The following GABBR2 variants were observed in gnomAD, a reference collection of about 807,000 sequenced individuals.
The protein encoded by GABBR2 is gamma-aminobutyric acid type B receptor subunit 2.
Under a neutral mutation model 105.6 loss-of-function variants are expected in GABBR2, and 23 were observed. The observed-to-expected ratio is 0.22, with a 90% CI of 0.16 to 0.31. GABBR2 has a LOEUF of 0.31. Among genes scored for constraint, GABBR2 ranks in the 10% least tolerant of loss-of-function variants. GABBR2 has a pLI of 1.00. For synonymous variants in GABBR2, 478 were observed against 499.7 expected (o/e 0.96, Z 0.58); for missense variants, 734 against 1,245.5 (o/e 0.59, Z 6.18).
intron 1 of GABBR2, among the ~76,000 whole-genome samples, chr9:98,702,922 C>T (rs1415187348): frequency 1.3e-5 from 2 of 152,218 alleles, no homozygotes; most frequent in Non-Finnish European, 2.9e-5. Flanking sequence ...TTGGAGGAAT[C>T]ACCTCTCCCC....
intron 1 of GABBR2, among the ~76,000 whole-genome samples, chr9:98,648,193 G>A (rs191117106): frequency 3.3e-5 from 5 of 150,648 alleles, no homozygotes; most frequent in Admixed American, 6.6e-5. Context: ...GTACAGTGGC[G>A]CGATCTCGGC....
rs76139720 is a variant in GABBR2 at position 98,480,878 on chromosome 9, A to G, written c.798+54T>C. 6.7e-4 allele frequency: 687 copies of G among 1,024,566 alleles called. 6 individuals are homozygous for G. The East Asian group carries it at 0.014, about 21-fold the overall frequency. 63.5% of individuals were successfully genotyped at this position (1,024,566 alleles called of 1,614,324 possible). A position where few individuals can be genotyped will look rare whatever the true frequency, so the allele number is the denominator to read the frequency against. The stretch of plus-strand genomic sequence containing the variant: ...TGAGCAGGGAGATAATGAGTATGGG[A>G]AAAAGCTTCGTGAACCTCCCCAAAG... On this transcript the variant is annotated intron_variant, in intron 5 of 18. Transcript: ENST00000259455.
chr9:98,605,185 G>A (rs903270294), intron 1 of GABBR2, among the ~76,000 whole-genome samples: 3 of 152,232 alleles, frequency 2.0e-5, no homozygotes, highest in Non-Finnish European at 4.4e-5. Flanking sequence ...GGGATGTACA[G>A]TGCAACAGCG....
intron 1 of GABBR2, among the ~76,000 whole-genome samples, chr9:98,664,263 G>T (rs558556352): frequency 2.6e-5 from 4 of 152,320 alleles, no homozygotes; most frequent in African/African-American, 7.2e-5. Flanking sequence ...ACGGCACAAA[G>T]ACCTAAGAAT....
intron 9 of GABBR2, among the ~76,000 whole-genome samples, chr9:98,393,021 T>G (rs111451954): frequency 5.4e-4 from 38 of 70,596 alleles, no homozygotes; most frequent in African/African-American, 2.6e-3. Flanking sequence ...CACCCATCCA[T>G]GCATCCACCC....
rs187556562 is a variant in GABBR2 at position 98,464,239 on chromosome 9, C to T, written c.999+8907G>A. Among the ~76,000 whole-genome samples, 618 of 151,548 alleles carry T rather than the reference C, an allele frequency of 4.1e-3. 3 individuals carry two copies. The highest frequency in any genetic ancestry group is 7.1e-3 in the Non-Finnish European group (484 of 67,842). ...ATCTGGGATGTGAGGAGCGCCTCTG[C>T]CTGGCCGCCCCGTCTGGGAAGTGAG... is the stretch of plus-strand genomic sequence containing the variant. On this transcript the variant is annotated intron_variant, in intron 6 of 18. Transcript: ENST00000259455.
chr9:98,597,141 T>C (rs1418296327), intron 1 of GABBR2, among the ~76,000 whole-genome samples: 1 of 152,208 alleles, frequency 6.6e-6, no homozygotes, highest in Non-Finnish European at 1.5e-5. Context: ...GCAGCTTATC[T>C]GAGATCTGCA....
At chr9:98,665,621 C>T (rs186068302) in intron 1 of GABBR2, among the ~76,000 whole-genome samples, 1 of 152,320 alleles carries the variant, frequency 6.6e-6, no homozygotes, top group Non-Finnish European at 1.5e-5. Context: ...AGGACAATCA[C>T]AACACAGACC....
At chr9:98,624,652 C>T (rs1183686511) in intron 1 of GABBR2, among the ~76,000 whole-genome samples, 1 of 151,816 alleles carries the variant, frequency 6.6e-6, no homozygotes, top group East Asian at 1.9e-4. Context: ...AGCTGCAGGC[C>T]GAGCAGACAC....
chr9:98,671,173 C>G (rs1452563754), intron 1 of GABBR2, among the ~76,000 whole-genome samples: 1 of 152,078 alleles, frequency 6.6e-6, no homozygotes, highest in Non-Finnish European at 1.5e-5. Context: ...CCGCTCTCTG[C>G]CAATCTCTAA....
intron 7 of GABBR2, among the ~76,000 whole-genome samples, chr9:98,450,574 A>G (rs1031732954): frequency 1.1e-4 from 16 of 152,200 alleles, no homozygotes; most frequent in African/African-American, 3.9e-4. Context: ...CTGTCCAGCT[A>G]CCATTCCAGC....
At position 98,684,169 on chromosome 9, in the gene GABBR2, T is replaced by TAAAAAAAAAAAAAAAAA. The variant is rs3032196; in HGVS notation, c.321+24231_321+24247dup. Among the ~76,000 whole-genome samples, 3 of 66,116 alleles carry TAAAAAAAAAAAAAAAAA rather than the reference T, an allele frequency of 4.5e-5. 1 individual carries two copies. Among genetic ancestry groups the TAAAAAAAAAAAAAAAAA allele is most frequent in the African/African-American group, 1.9e-4 (3 of 15,842 alleles). 43.4% of individuals were successfully genotyped at this position (66,116 alleles called of 152,430 possible). ...AAAAGAAGAATGCATTTTACCACGG[T>TAAAAAAAAAAAAAAAAA]AAAAAAAAAAAAAAAAAAAAAAAAA... On this transcript the variant is annotated intron_variant, in intron 1 of 18. Transcript: ENST00000259455.
At chr9:98,455,119 A>G (rs537680108) in intron 6 of GABBR2, among the ~76,000 whole-genome samples, 96 of 152,268 alleles carry the variant, frequency 6.3e-4, no homozygotes, top group Middle Eastern at 3.4e-3. Flanking sequence ...TCTACCTTCC[A>G]TAATATAACA....
intron 1 of GABBR2, among the ~76,000 whole-genome samples, chr9:98,630,009 T>C (rs1475447009): frequency 1.3e-5 from 2 of 152,192 alleles, no homozygotes; most frequent in Admixed American, 6.5e-5. Context: ...TCTAAAAGTA[T>C]TCATGTGCCT....
chr9:98,443,894 G>T (rs1200997406), intron 7 of GABBR2, among the ~76,000 whole-genome samples: 1 of 152,216 alleles, frequency 6.6e-6, no homozygotes, highest in Admixed American at 6.5e-5. Context: ...CCCATTGTGA[G>T]CCCCTTGGGG....
At chr9:98,386,642 G>C (rs12346403) in intron 10 of GABBR2, among the ~76,000 whole-genome samples, 10,207 of 152,132 alleles carry the variant, frequency 0.067, 434 homozygotes, top group Non-Finnish European at 0.092. Flanking sequence ...TAGGTGCCTG[G>C]CCCCCCCAGC....
In GABBR2 at chr9:98,371,446, CAGA is replaced by C. The variant is rs778385295; in HGVS notation, c.1770+15_1770+17del. The stretch of plus-strand genomic sequence containing the variant: ...GGTGAACACTACTAATACCCTGAAA[CAGA>C]AGGAGAGTGATTACCTTCTTCTTCA... On this transcript the variant is annotated intron_variant, in intron 12 of 18. Transcript: ENST00000259455. 16 of 1,262,502 alleles carry C rather than the reference CAGA, an allele frequency of 1.3e-5. No individual in the cohort carries two copies. Among genetic ancestry groups the C allele is most frequent in the Non-Finnish European group, 1.9e-5 (16 of 858,962 alleles). 78.2% of individuals were successfully genotyped at this position (1,262,502 alleles called of 1,614,324 possible). A position where few individuals can be genotyped will look rare whatever the true frequency, so the allele number is the denominator to read the frequency against.
chr9:98,398,689 A>T (rs1361629672), intron 8 of GABBR2, among the ~76,000 whole-genome samples: 2 of 151,876 alleles, frequency 1.3e-5, no homozygotes. Flanking sequence ...ATGAACAGCC[A>T]TTTCTCAGGA....
At chr9:98,559,592 C>G (rs190279726) in intron 2 of GABBR2, among the ~76,000 whole-genome samples, 10 of 152,160 alleles carry the variant, frequency 6.6e-5, no homozygotes, top group Non-Finnish European at 1.0e-4. Flanking sequence ...TTACTTTCAG[C>G]TCTTTTAAAT....
Sources: allele counts gnomAD v4.1 joint callset (sites outside exome capture counted in the v4.1 genomes callset), GRCh38; gene constraint gnomAD v4.1.1; transcripts MANE v1.5; gene names NCBI Gene and HGNC (gene_info 2026-07-23, HGNC 2026-07-21).